PLEKHA7: variants seen among roughly 807,000 people sequenced by gnomAD.
PLEKHA7 encodes the protein pleckstrin homology domain-containing family A member 7.
A neutral mutation model predicts 170.0 loss-of-function variants in PLEKHA7; 104 were observed. That is an observed-to-expected ratio of 0.61 (90% CI 0.52 to 0.72). The LOEUF (loss-of-function observed/expected upper bound fraction) is 0.72, where lower values mean the gene tolerates loss of function less well. Ranked by LOEUF, PLEKHA7 falls within the 30% of genes least tolerant of loss-of-function variation. The pLI, the probability that PLEKHA7 is intolerant of heterozygous loss-of-function variation, is 0.00. For synonymous variants in PLEKHA7, 648 were observed against 660.8 expected, an observed-to-expected ratio of 0.98 and a Z score of 0.30; for missense variants, 1,615 against 1,671.7, an observed-to-expected ratio of 0.97 and a Z score of 0.59.
At chr11:16,982,858 A>C (rs996423345) in intron 3 of PLEKHA7, among the ~76,000 whole-genome samples, 21 of 150,958 alleles carry the variant, frequency 1.4e-4, no homozygotes, top group African/African-American at 5.1e-4. Flanking sequence ...GAAACTCCCA[A>C]CTACTCCAGA....
chr11:16,859,899 A>G (rs1015852677), intron 4 of PLEKHA7, among the ~76,000 whole-genome samples: 1 of 152,222 alleles, frequency 6.6e-6, no homozygotes, highest in Admixed American at 6.5e-5. Context: ...GCTGTCCTCA[A>G]ATAAAACCTA....
chr11:16,810,034 C>A (rs1372666824), intron 13 of PLEKHA7, among the ~76,000 whole-genome samples: 1 of 152,208 alleles, frequency 6.6e-6, no homozygotes, highest in Admixed American at 6.5e-5. Context: ...AGCCACCTTC[C>A]CTGCCCGTGT....
At chr11:17,013,907 G>A in intron 3 of PLEKHA7, 82 bp downstream of exon 3, 4 of 1,436,806 alleles carry the variant, frequency 2.8e-6, no homozygotes, top group South Asian at 2.7e-5. Flanking sequence ...GGGAGCAGAG[G>A]AAGGGCGGGG....
chr11:16,896,386 TC>T (rs1332275645), intron 3 of PLEKHA7, among the ~76,000 whole-genome samples: 1 of 152,046 alleles, frequency 6.6e-6, no homozygotes, highest in Non-Finnish European at 1.5e-5. Flanking sequence ...AACACCACCA[TC>T]CCGCACAATG....
chr11:16,845,592 C>T (rs1000925118), intron 8 of PLEKHA7, among the ~76,000 whole-genome samples: 12 of 152,246 alleles, frequency 7.9e-5, no homozygotes, highest in Non-Finnish European at 1.5e-4. Context: ...GTCTCGAACT[C>T]CTGGGCTCAA....
intron 13 of PLEKHA7, among the ~76,000 whole-genome samples, chr11:16,809,515 G>A (rs1416880041): frequency 1.3e-5 from 2 of 152,314 alleles, no homozygotes; most frequent in East Asian, 3.9e-4. Context: ...TGGTCCCAGA[G>A]GGGCTGTGCT....
intron 9 of PLEKHA7, among the ~76,000 whole-genome samples, chr11:16,841,175 G>A (rs1306269001): frequency 6.6e-6 from 1 of 152,158 alleles, no homozygotes; most frequent in East Asian, 1.9e-4. Context: ...ATTTCAGAGA[G>A]GGAGCAACCG....
chr11:16,895,705 G>A (rs554875326), intron 3 of PLEKHA7, among the ~76,000 whole-genome samples: 6 of 152,334 alleles, frequency 3.9e-5, no homozygotes, highest in South Asian at 4.1e-4. Flanking sequence ...ATCAGGCCTC[G>A]TTACTAATGC....
chr11:16,952,402 T>G (rs990265644), intron 3 of PLEKHA7, among the ~76,000 whole-genome samples: 2 of 152,028 alleles, frequency 1.3e-5, no homozygotes, highest in African/African-American at 2.4e-5. Flanking sequence ...AAACATAGAG[T>G]GCTTGGGGCC....
At chr11:16,785,778 T>C (rs763461200) in intron 24 of PLEKHA7, among the ~76,000 whole-genome samples, 2 of 152,122 alleles carry the variant, frequency 1.3e-5, no homozygotes, top group African/African-American at 2.4e-5. Flanking sequence ...TCGCCTGTGA[T>C]TTTCAAACCT....
intron 9 of PLEKHA7, among the ~76,000 whole-genome samples, chr11:16,835,281 G>A (rs148257206): frequency 6.6e-6 from 1 of 152,194 alleles, no homozygotes; most frequent in Non-Finnish European, 1.5e-5. Flanking sequence ...AAATAAAAAA[G>A]TGAGAGTTGC....
Position 16,881,293 on chromosome 11 carries a change from G to A in PLEKHA7, c.222-10111C>T, listed in dbSNP as rs372621547. 1.3e-4 allele frequency: 20 copies of A among 152,268 alleles called. No individual in the cohort carries two copies. In the East Asian group the frequency reaches 2.5e-3, roughly 19 times the overall value. 9.4% of individuals were successfully genotyped at this position (152,268 alleles called of 1,614,324 possible). ...CAGGGGACACACTCACCCTCCCTTT[G>A]GGCTCCACGTTCGGATAGTGTCTTC... On this transcript the variant is annotated intron_variant, in intron 3 of 26. Transcript: ENST00000531066.
chr11:16,915,131 G>A (rs1045899068), intron 3 of PLEKHA7, among the ~76,000 whole-genome samples: 2 of 152,214 alleles, frequency 1.3e-5, no homozygotes, highest in African/African-American at 4.8e-5. Flanking sequence ...TGACCCTTAA[G>A]GGGATGGGGT....
Position 16,791,706 on chromosome 11 carries a change from C to G in PLEKHA7, c.2746-507G>C. 1 of 457,346 alleles carries G rather than the reference C, an allele frequency of 2.2e-6. No individual in the cohort carries two copies. The highest frequency in any genetic ancestry group is 1.5e-5 in the South Asian group (1 of 64,542). The allele number at this position is 457,346 out of a possible 1,614,324, so 28.3% of individuals were successfully genotyped here. A position where few individuals can be genotyped will look rare whatever the true frequency, so the allele number is the denominator to read the frequency against. On this transcript the variant is annotated intron_variant, in intron 19 of 26. Transcript: ENST00000531066. The surrounding 1 kb of genome is among the most constrained non-coding windows in gnomAD (Gnocchi z 4.5). ...TGAACAAGGACAGAGTCTACATCCT[C>G]CTGGCCTTTCTATCAGAAATGTGCA... is the stretch of plus-strand genomic sequence containing the variant.
rs749991117 is a variant in PLEKHA7 at position 16,816,910 on chromosome 11, G to A, written c.1756C>T (p.Arg586Trp). ...PGPPRVFPPRRPHTPAERVTV... is the reference protein window; with the variant it reads ...PGPPRVFPPRWPHTPAERVTV... ...ACTCGCTCTGCTGGTGTGTGTGGCC[G>A]CCGGGGTGGGAAGACCCTTGGGGGT... The change falls in exon 11 of 27, where the codon CGG (arginine) becomes TGG (tryptophan). Residue 586 changes from arginine to tryptophan, a missense_variant. Arg to Trp is a moderately radical substitution (Grantham distance 101). Transcript: ENST00000531066. 22 of 1,613,906 alleles carry A rather than the reference G, an allele frequency of 1.4e-5. No individual in the cohort carries two copies. The highest frequency in any genetic ancestry group is 9.3e-5 in the African/African-American group (7 of 74,914).
chr11:16,931,017 A>G (rs1425593049), intron 3 of PLEKHA7, among the ~76,000 whole-genome samples: 1 of 152,176 alleles, frequency 6.6e-6, no homozygotes, highest in African/African-American at 2.4e-5. Flanking sequence ...TTAAGGTGGG[A>G]AAAAAGCCTA....
At chr11:16,852,252 C>G in intron 7 of PLEKHA7, 31 bp downstream of exon 7, 1 of 1,603,238 alleles carries the variant, frequency 6.2e-7, no homozygotes, top group South Asian at 1.1e-5. Context: ...CTGAACACTT[C>G]GGCAGGGTAA....
intron 3 of PLEKHA7, among the ~76,000 whole-genome samples, chr11:16,925,139 G>A (rs1859415771): frequency 6.6e-6 from 1 of 152,226 alleles, no homozygotes; most frequent in South Asian, 2.1e-4. Context: ...CTGCTGGCCA[G>A]TTGCTGTCCC....
intron 3 of PLEKHA7, among the ~76,000 whole-genome samples, chr11:16,945,231 C>T (rs1473859119): frequency 6.6e-6 from 1 of 152,170 alleles, no homozygotes; most frequent in Admixed American, 6.6e-5. Flanking sequence ...CCACCATGCC[C>T]GGCCCCAAAA....
Sources: allele counts gnomAD v4.1 joint callset (sites outside exome capture counted in the v4.1 genomes callset), GRCh38; gene constraint gnomAD v4.1.1; non-coding constraint Gnocchi (gnomAD v3.1); transcripts MANE v1.5; gene names NCBI Gene and HGNC (gene_info 2026-07-23, HGNC 2026-07-21).